The following PCNX2 variants were observed in gnomAD, a reference collection of about 807,000 sequenced individuals.
PCNX2 encodes the protein pecanex 2.
A neutral mutation model predicts 223.8 loss-of-function variants in PCNX2; 168 were observed. That is an observed-to-expected ratio of 0.75 (90% confidence interval 0.66 to 0.85). PCNX2 has a LOEUF of 0.85. Among genes scored for constraint, PCNX2 ranks in the 40% least tolerant of loss-of-function variants. PCNX2 has a pLI of 0.00. For missense variants in PCNX2, 2,507 were observed against 2,675.5 expected (o/e 0.94, Z 1.39); for synonymous variants, 1,006 against 1,052.6 (o/e 0.96, Z 0.86).
chr1:232,998,062 A>G (rs936555422), intron 32 of PCNX2, among the ~76,000 whole-genome samples, 189 bp downstream of exon 32: 1 of 152,170 alleles, frequency 6.6e-6, no homozygotes, highest in Non-Finnish European at 1.5e-5. Context: ...TAAATGGTAA[A>G]AGCTGAATCT....
At chr1:233,214,929 C>T (rs1572090960) in intron 12 of PCNX2, among the ~76,000 whole-genome samples, 1 of 152,174 alleles carries the variant, frequency 6.6e-6, no homozygotes, top group African/African-American at 2.4e-5. Flanking sequence ...CTGATTTTAA[C>T]AACTTGCTCA....
At chr1:233,226,095 A>T (rs1182823004) in intron 10 of PCNX2, among the ~76,000 whole-genome samples, 1 of 152,220 alleles carries the variant, frequency 6.6e-6, no homozygotes. Flanking sequence ...AAACTGTGAA[A>T]CTCAGCAATT....
At chr1:233,036,152 C>T (rs936914602) in intron 25 of PCNX2, among the ~76,000 whole-genome samples, 2 of 152,174 alleles carry the variant, frequency 1.3e-5, no homozygotes, top group Admixed American at 6.5e-5. Context: ...GCAGCTTCCA[C>T]GTCATGGCGG....
chr1:233,038,330 C>T (rs1259856982), intron 25 of PCNX2, among the ~76,000 whole-genome samples: 1 of 152,138 alleles, frequency 6.6e-6, no homozygotes, highest in Non-Finnish European at 1.5e-5. Flanking sequence ...AAAACTAATG[C>T]ACTCAACTCT....
chr1:233,110,062 C>T (rs1218947731), intron 21 of PCNX2, among the ~76,000 whole-genome samples: 1 of 151,982 alleles, frequency 6.6e-6, no homozygotes. Context: ...GCACTCCAGC[C>T]TGGGTGACAG....
At chr1:233,182,734 T>C (rs894093499) in intron 15 of PCNX2, among the ~76,000 whole-genome samples, 8 of 135,100 alleles carry the variant, frequency 5.9e-5, no homozygotes, top group Admixed American at 3.4e-4. Flanking sequence ...CCTGACTCCA[T>C]TCCATTCCAT....
chr1:233,221,072 G>C (rs540901623), intron 10 of PCNX2, among the ~76,000 whole-genome samples: 1 of 152,284 alleles, frequency 6.6e-6, no homozygotes, highest in South Asian at 2.1e-4. Flanking sequence ...GAAAACAATG[G>C]GTGATTTGGT....
chr1:233,326,874 T>G, the PCNX2 span, among the ~76,000 whole-genome samples: 8 of 152,264 alleles, frequency 5.3e-5, no homozygotes, highest in African/African-American at 1.9e-4. Flanking sequence ...CCCAAACCTG[T>G]GGGTTTCCAG....
rs183411512 is a variant in PCNX2, at chr1:233,112,786, T to A, written c.3838-16923A>T. 6.7e-6 allele frequency: 8 copies of A among 1,191,890 alleles called. No individual in the cohort carries two copies. In the Admixed American group the frequency reaches 1.1e-4, roughly 16 times the overall value. The allele number at this position is 1,191,890 out of a possible 1,614,324, so 73.8% of individuals were successfully genotyped here. ...AATTAAGCAAAAATGAAGAAAAAAA[T>A]TTTAAGTCTTACATGCTAGGCTTGA... On this transcript the variant is annotated intron_variant, in intron 21 of 33. Transcript: ENST00000258229.
At chr1:233,259,765 A>C (rs1236399064) in intron 4 of PCNX2, 1 of 701,040 alleles carries the variant, frequency 1.4e-6, no homozygotes, top group East Asian at 1.3e-4. Flanking sequence ...TTCCAGCTTC[A>C]TCCATGACCC....
rs1309908044 is a variant in PCNX2 at position 233,090,330 on chromosome 1, T to G, written c.3947-140A>C. 6 of 998,846 alleles carry G rather than the reference T, an allele frequency of 6.0e-6. No individual in the cohort carries two copies. In the South Asian group the frequency reaches 6.5e-5, roughly 11 times the overall value. The allele number at this position is 998,846 out of a possible 1,614,324, so 61.9% of individuals were successfully genotyped here. A position where few individuals can be genotyped will look rare whatever the true frequency, so the allele number is the denominator to read the frequency against. The stretch of plus-strand genomic sequence containing the variant: ...AAAGAACACACACTTAATCTCTCTA[T>G]GTATAGATTTATAAATATAAAACTT... On this transcript the variant is annotated intron_variant, in intron 22 of 33. Coordinates refer to ENST00000258229, the MANE Select transcript of PCNX2 (RefSeq NM_014801.4).
chr1:233,002,383 T>C (rs998941369), intron 28 of PCNX2, among the ~76,000 whole-genome samples: 1 of 152,106 alleles, frequency 6.6e-6, no homozygotes, highest in Non-Finnish European at 1.5e-5. Flanking sequence ...GAGAGCCAAA[T>C]AATGAGTGAA....
At position 233,182,171 on chromosome 1, in the gene PCNX2, G is replaced by T. The variant is rs1679839977; in HGVS notation, c.3067-2996C>A. ...TACCTACTCAATGGTTGTTGTGAGG[G>T]TGCTTTTCTGTAACCCAGGTGATTT... On this transcript the variant is annotated intron_variant, in intron 15 of 33. Transcript: ENST00000258229. Among the ~76,000 whole-genome samples the T allele has an allele frequency of 1.3e-5, 2 of 152,152 alleles. 1 individual carries two copies. Among genetic ancestry groups the T allele is most frequent in the South Asian group, 4.1e-4 (2 of 4,826 alleles).
intron 24 of PCNX2, chr1:233,054,797 CAT>C (rs1389972167): frequency 1.9e-4 from 33 of 172,544 alleles, no homozygotes; most frequent in Non-Finnish European, 3.4e-4. Context: ...TATTATATAA[CAT>C]ATAAGTTATT....
intron 17 of PCNX2, among the ~76,000 whole-genome samples, chr1:233,171,483 T>C (rs1051933401): frequency 6.6e-5 from 10 of 152,192 alleles, no homozygotes; most frequent in Non-Finnish European, 1.3e-4. Flanking sequence ...AGTTACTTTC[T>C]TTACACATCA....
At position 233,208,561 on chromosome 1, in the gene PCNX2, G is replaced by T. The variant is rs1681623289; in HGVS notation, c.2820C>A (p.Leu940=). Residue 940 remains leucine (L), a synonymous_variant, in exon 13 of 34, where the codon CTC becomes CTA. Transcript: ENST00000258229. ...CTGATTGTAGAAACACTGGAGAGAA[G>T]AGCTTCAGGCCATACACAACGTAAC... is the stretch of plus-strand genomic sequence containing the variant. The part of the protein sequence containing the change: ...PPSYVVYGLK[L]FSPVFLQSAR... The T allele has an allele frequency of 2.5e-6, 4 of 1,613,572 alleles. No homozygotes were observed. The highest frequency in any genetic ancestry group is 3.4e-6 in the Non-Finnish European group (4 of 1,179,832).
intron 19 of PCNX2, among the ~76,000 whole-genome samples, chr1:233,155,067 C>CAAA (rs558141357): frequency 2.1e-5 from 2 of 94,994 alleles, no homozygotes; most frequent in African/African-American, 8.1e-5. Context: ...GACTCCGTCT[C>CAAA]AAAAAAAAAA....
chr1:233,003,483 A>G (rs543477737), intron 28 of PCNX2, among the ~76,000 whole-genome samples: 1 of 152,378 alleles, frequency 6.6e-6, no homozygotes, highest in South Asian at 2.1e-4. Flanking sequence ...AATGGCAATC[A>G]TTAAAAAGTC....
chr1:233,082,350 G>A (rs991131253), intron 23 of PCNX2, among the ~76,000 whole-genome samples: 10 of 152,064 alleles, frequency 6.6e-5, no homozygotes, highest in Non-Finnish European at 1.3e-4. Context: ...TAGATCCAGG[G>A]CCCAACGTAC....
Sources: allele counts gnomAD v4.1 joint callset (sites outside exome capture counted in the v4.1 genomes callset), GRCh38; gene constraint gnomAD v4.1.1; transcripts MANE v1.5; gene names NCBI Gene and HGNC (gene_info 2026-07-23, HGNC 2026-07-21).